Variants in RERE observed in about 807,000 individuals in gnomAD.
RERE encodes the protein arginine-glutamic acid dipeptide repeats.
Under a neutral mutation model 146.1 loss-of-function variants are expected in RERE, and 40 were observed. The observed-to-expected ratio is 0.27, with a 90% CI of 0.21 to 0.36. The LOEUF (loss-of-function observed/expected upper bound fraction) is 0.36, where lower values mean the gene tolerates loss of function less well. Among genes scored for constraint, RERE ranks in the 10% least tolerant of loss-of-function variants. RERE has a pLI of 1.00. For synonymous variants in RERE, 1,003 were observed against 866.0 expected, an observed-to-expected ratio of 1.16 and a Z score of -2.78; for missense variants, 1,933 against 2,138.7, an observed-to-expected ratio of 0.90 and a Z score of 1.90.
chr1:8,558,470 T>A (rs929678094), intron 4 of RERE, among the ~76,000 whole-genome samples: 1 of 152,220 alleles, frequency 6.6e-6, no homozygotes, highest in Admixed American at 6.5e-5. Context: ...GAATGCAGTA[T>A]CATGCCTTTC....
chr1:8,566,498 T>A (rs1247025175), intron 4 of RERE, among the ~76,000 whole-genome samples: 1 of 151,984 alleles, frequency 6.6e-6, no homozygotes, highest in Non-Finnish European at 1.5e-5. Context: ...CGACCGCCTG[T>A]AATCCCAGCT....
intron 9 of RERE, among the ~76,000 whole-genome samples, 186 bp downstream of exon 9, chr1:8,497,219 A>G (rs1346325704): frequency 1.3e-5 from 2 of 152,318 alleles, no homozygotes; most frequent in Admixed American, 1.3e-4. Flanking sequence ...CATGAAAAAA[A>G]TTACTTCAAA....
At chr1:8,610,053 A>G (rs1646773707) in intron 4 of RERE, among the ~76,000 whole-genome samples, 2 of 152,084 alleles carry the variant, frequency 1.3e-5, no homozygotes, top group East Asian at 1.9e-4. Flanking sequence ...TACAGGCGTG[A>G]GCCATCATGC....
At chr1:8,474,836 T>C (rs1048851391) in intron 10 of RERE, among the ~76,000 whole-genome samples, 1 of 152,240 alleles carries the variant, frequency 6.6e-6, no homozygotes, top group Non-Finnish European at 1.5e-5. Flanking sequence ...ATAAAAAGCC[T>C]ACTTAAGTTA....
chr1:8,515,671 C>T (rs1645404876), intron 7 of RERE, among the ~76,000 whole-genome samples: 1 of 151,932 alleles, frequency 6.6e-6, no homozygotes, highest in Admixed American at 6.6e-5. Context: ...CAAAACATAG[C>T]TACTAAAGAG....
intron 1 of RERE, among the ~76,000 whole-genome samples, chr1:8,771,617 A>C (rs955459351): frequency 1.3e-5 from 2 of 151,508 alleles, no homozygotes; most frequent in African/African-American, 4.8e-5. Flanking sequence ...TTTTACAATC[A>C]GAAAAAAGAT....
chr1:8,692,819 C>G (rs1411634338), intron 1 of RERE, among the ~76,000 whole-genome samples: 1 of 152,034 alleles, frequency 6.6e-6, no homozygotes, highest in Non-Finnish European at 1.5e-5. Flanking sequence ...TTTACATGAA[C>G]CCTAACCTAT....
At chr1:8,382,624 G>A (rs1452278945) in intron 12 of RERE, among the ~76,000 whole-genome samples, 3 of 152,210 alleles carry the variant, frequency 2.0e-5, no homozygotes, top group Non-Finnish European at 2.9e-5. Flanking sequence ...CAGGCAAGAC[G>A]TTACTACGTT....
intron 12 of RERE, among the ~76,000 whole-genome samples, chr1:8,372,422 G>A (rs1435963961): frequency 1.3e-5 from 2 of 151,958 alleles, no homozygotes; most frequent in African/African-American, 2.4e-5. Context: ...CCTGAGGAAG[G>A]GGAGGGAGTG....
chr1:8,470,238 G>A (rs1201253521), intron 10 of RERE, among the ~76,000 whole-genome samples: 1 of 152,066 alleles, frequency 6.6e-6, no homozygotes, highest in African/African-American at 2.4e-5. Flanking sequence ...TAAAAAGTGT[G>A]GGATTATTTA....
intron 1 of RERE, among the ~76,000 whole-genome samples, chr1:8,804,961 T>C (rs558950992): frequency 3.3e-5 from 5 of 152,168 alleles, no homozygotes; most frequent in Admixed American, 6.5e-5. Flanking sequence ...CTATATTTAT[T>C]AAACTTTACT....
intron 12 of RERE, among the ~76,000 whole-genome samples, chr1:8,369,186 G>T (rs751512668): frequency 4.6e-5 from 7 of 152,162 alleles, no homozygotes; most frequent in Non-Finnish European, 8.8e-5. Flanking sequence ...GGGGGACAGG[G>T]CGAGAGGCCA....
At chr1:8,497,671 G>T in intron 8 of RERE, 142 bp from the exon 9 acceptor site, 2 of 853,220 alleles carry the variant, frequency 2.3e-6, no homozygotes. Flanking sequence ...ACAAAACCAT[G>T]AGTCATTTAA....
intron 10 of RERE, among the ~76,000 whole-genome samples, chr1:8,473,107 C>T (rs375213595): frequency 6.6e-6 from 1 of 152,154 alleles, no homozygotes; most frequent in Admixed American, 6.5e-5. Context: ...TTCTAGCAAT[C>T]GGCCTTTGGT....
At chr1:8,400,222 A>ATGTGTG (rs1553161719) in intron 12 of RERE, among the ~76,000 whole-genome samples, 64 of 140,154 alleles carry the variant, frequency 4.6e-4, no homozygotes, top group African/African-American at 8.9e-4. Flanking sequence ...CCTGTGTCAT[A>ATGTGTG]TGTGTGTGTG....
chr1:8,488,282 G>GT (rs1226044326), intron 10 of RERE, among the ~76,000 whole-genome samples: 1 of 151,920 alleles, frequency 6.6e-6, no homozygotes, highest in Non-Finnish European at 1.5e-5. Context: ...TTTCACTCTT[G>GT]TTGCCCAGGC....
rs2124367865 is a variant in RERE at position 8,360,915 on chromosome 1, C to T, written c.2592G>A (p.Gln864=). 5 of 1,484,900 alleles carry T rather than the reference C, an allele frequency of 3.4e-6. No homozygotes were observed. Among genetic ancestry groups the T allele is most frequent in the Non-Finnish European group, 4.4e-6 (5 of 1,124,554 alleles). 92.0% of individuals were successfully genotyped at this position (1,484,900 alleles called of 1,614,324 possible). A position where few individuals can be genotyped will look rare whatever the true frequency, so the allele number is the denominator to read the frequency against. Residue 864 remains glutamine, a synonymous_variant, in exon 18 of 23, where the codon CAG becomes CAA. Coordinates refer to ENST00000400908, the MANE Select transcript of RERE (RefSeq NM_001042681.2). Reference sequence around the variant, plus strand: ...CAAAGGGCTGTGGGGGGCCTGGGTGCTGCAGCAGGGGCCCAGCCTGCAGGC... The same window carrying T: ...CAAAGGGCTGTGGGGGGCCTGGGTGTTGCAGCAGGGGCCCAGCCTGCAGGC... ...PHSLQAGPLL[Q]HPGPPQPFGL...
intron 1 of RERE, among the ~76,000 whole-genome samples, chr1:8,800,387 G>A (rs902047649): frequency 2.6e-5 from 4 of 152,080 alleles, no homozygotes; most frequent in Admixed American, 6.6e-5. Flanking sequence ...AAAAATAAAT[G>A]ACACTCAGAA....
chr1:8,749,892 C>T (rs1292002453), intron 1 of RERE, among the ~76,000 whole-genome samples: 3 of 152,126 alleles, frequency 2.0e-5, no homozygotes, highest in Admixed American at 6.5e-5. Flanking sequence ...TGGCTCACAC[C>T]AGTAATTCCA....
Sources: gnomAD v4.1 joint callset for allele counts (sites outside exome capture counted in the v4.1 genomes callset) on GRCh38, gnomAD v4.1.1 for gene constraint, MANE v1.5 for transcripts, NCBI Gene and HGNC (gene_info 2026-07-23, HGNC 2026-07-21) for gene names.